RGMB: variants seen among roughly 807,000 people sequenced by gnomAD.
The protein encoded by RGMB is repulsive guidance molecule BMP co-receptor b, also known as repulsive guidance molecule B.
A neutral mutation model predicts 26.9 loss-of-function variants in RGMB; 16 were observed. The ratio of observed to expected loss-of-function variants is 0.60; its 90% CI spans 0.40 to 0.90. The LOEUF is 0.90. Among genes scored for constraint, RGMB ranks in the 40% least tolerant of loss-of-function variants. RGMB has a pLI of 0.00. For missense variants in RGMB, 512 were observed against 573.3 expected (o/e 0.89, Z 1.09); for synonymous variants, 225 against 229.3 (o/e 0.98, Z 0.17).
upstream of RGMB, chr5:98,770,553 G>A (rs1746122125): frequency 7.0e-6 from 7 of 996,626 alleles, no homozygotes; most frequent in Non-Finnish European, 9.3e-6. Flanking sequence ...CCCTCCGCGA[G>A]TGCATTGCTC....
At chr5:98,792,756 G>T in intron 2 of RGMB, 1 of 176,950 alleles carries the variant, frequency 5.7e-6, no homozygotes, top group Non-Finnish European at 1.1e-5. Context: ...GGGCAAGAGA[G>T]CTGACCCTGT....
rs143449818 is a variant in RGMB, at chr5:98,793,401, G to A, written c.962G>A (p.Arg321His). Residue 321 changes from arginine to histidine, a missense_variant, in exon 3 of 3, where the codon CGC (arginine) becomes CAC (histidine). Coordinates refer to ENST00000513185, the MANE Select transcript of RGMB (RefSeq NM_001366508.1). ...LCVNGCPLSERIDDGQGQVSA... is the reference protein window; with the variant it reads ...LCVNGCPLSEHIDDGQGQVSA... ...GTGAACGGCTGCCCCCTGAGTGAAC[G>A]CATCGATGACGGGCAGGGCCAGGTG... 157 of 1,612,990 alleles carry A rather than the reference G, an allele frequency of 9.7e-5. No homozygotes were observed. Among genetic ancestry groups the A allele is most frequent in the East Asian group, 5.6e-4 (25 of 44,856 alleles).
At chr5:98,792,562 C>T (rs931580078) in intron 2 of RGMB, among the ~76,000 whole-genome samples, 1 of 150,454 alleles carries the variant, frequency 6.6e-6, no homozygotes, top group Non-Finnish European at 1.5e-5. Flanking sequence ...AGTGAGGAAC[C>T]CCCGACCTCC....
rs1175899010 is a variant in RGMB, at chr5:98,796,443, ATACTT to A, written c.*2693_*2697del. The A allele has an allele frequency of 3.3e-5, 5 of 151,144 alleles. No individual in the cohort carries two copies. Among genetic ancestry groups the A allele is most frequent in the African/African-American group, 7.3e-5 (3 of 41,072 alleles). The allele number at this position is 151,144 out of a possible 1,614,324, so 9.4% of individuals were successfully genotyped here. ...AAAACAGTGAGTGTGCAGTGTGTAA[ATACTT>A]TAAATTATTATGCTAGAAAAATAAA... On this transcript the variant is annotated 3_prime_UTR_variant, in exon 3 of 3. Coordinates refer to ENST00000513185, the MANE Select transcript of RGMB (RefSeq NM_001366508.1).
chr5:98,770,896 C>T (rs868645656), upstream of RGMB: 43 of 396,776 alleles, frequency 1.1e-4, no homozygotes, highest in Middle Eastern at 5.0e-3. Context: ...TACACAGTGG[C>T]CGGGGAGCAG....
intron 2 of RGMB, among the ~76,000 whole-genome samples, chr5:98,782,747 C>T (rs1746647954): frequency 6.6e-6 from 1 of 151,872 alleles, no homozygotes; most frequent in South Asian, 2.1e-4. Flanking sequence ...GGGTATTTTG[C>T]TCAATGAGGC....
chr5:98,795,899 A>G lies in RGMB; in HGVS notation c.*2146A>G, dbSNP rs896879482. ...TATACCTTTGCTCTTTTCAGGGAAA[A>G]TAACAACCACCCTTACTGATAGTTG... On this transcript the variant is annotated 3_prime_UTR_variant, in exon 3 of 3. Coordinates refer to ENST00000513185, the MANE Select transcript of RGMB (RefSeq NM_001366508.1). 2.0e-5 allele frequency: 3 copies of G among 152,176 alleles called. No homozygotes were observed. Among genetic ancestry groups the G allele is most frequent in the African/African-American group, 7.2e-5 (3 of 41,452 alleles). The allele number at this position is 152,176 out of a possible 1,614,324, so 9.4% of individuals were successfully genotyped here.
chr5:98,774,526 G>A (rs927435769), intron 1 of RGMB, among the ~76,000 whole-genome samples: 1 of 152,320 alleles, frequency 6.6e-6, no homozygotes, highest in Admixed American at 6.5e-5. Context: ...CAAATGTTCC[G>A]GATGCTTTAT....
rs767110906 is a variant in RGMB, at chr5:98,795,426, A to G, written c.*1673A>G. ...ATACCGGCAAGAGGAAGAGGACGTC[A>G]TTTTGTAAAGTTTAACTTCTTAGCG... On this transcript the variant is annotated 3_prime_UTR_variant, in exon 3 of 3. Transcript: ENST00000513185. 6.6e-6 allele frequency: 1 copy of G among 152,242 alleles called. No homozygotes were observed. The highest frequency in any genetic ancestry group is 1.5e-5 in the Non-Finnish European group (1 of 68,044). 9.4% of individuals were successfully genotyped at this position (152,242 alleles called of 1,614,324 possible).
chr5:98,775,076 C>T (rs896234040), intron 1 of RGMB, among the ~76,000 whole-genome samples: 2 of 151,934 alleles, frequency 1.3e-5, no homozygotes, highest in African/African-American at 4.8e-5. Context: ...GGTCATTTTC[C>T]TTTAGTCTTG....
rs777486040 is a variant in RGMB at position 98,780,045 on chromosome 5, A to G, written c.602A>G (p.Asn201Ser). The change falls in exon 2 of 3, where the codon AAC (asparagine) becomes AGC (serine). Residue 201 changes from asparagine to serine, a missense_variant. Coordinates refer to ENST00000513185, the MANE Select transcript of RGMB (RefSeq NM_001366508.1). Reference sequence around the variant, plus strand: ...AATTATCTTTCAGTTCAAGTGACAAACGTACCTGTGGTCCCTGGATCCAGT... The same window carrying G: ...AATTATCTTTCAGTTCAAGTGACAAGCGTACCTGTGGTCCCTGGATCCAGT... The part of the protein sequence containing the change: ...DNNYLSVQVT[N>S]VPVVPGSSAT... 13 of 1,613,348 alleles carry G rather than the reference A, an allele frequency of 8.1e-6. No homozygotes were observed. The highest frequency in any genetic ancestry group is 1.1e-5 in the Non-Finnish European group (13 of 1,179,862).
upstream of RGMB, chr5:98,773,578 G>A (rs1008280490): frequency 1.8e-5 from 4 of 220,562 alleles, no homozygotes; most frequent in Non-Finnish European, 3.5e-5. Context: ...CACGGCGGGG[G>A]ATTATGGCGT....
intron 1 of RGMB, among the ~76,000 whole-genome samples, chr5:98,775,016 T>C (rs1746351855): frequency 6.6e-6 from 1 of 152,236 alleles, no homozygotes; most frequent in Admixed American, 6.5e-5. Context: ...ACTATTTTTT[T>C]CTAGGAATTT....
chr5:98,789,052 A>G (rs1433495771), intron 2 of RGMB, among the ~76,000 whole-genome samples: 1 of 152,246 alleles, frequency 6.6e-6, no homozygotes, highest in Non-Finnish European at 1.5e-5. Flanking sequence ...TAGACACATC[A>G]GCTAATTATA....
rs1319059235 is a variant in RGMB, at chr5:98,796,091, T to G, written c.*2338T>G. On this transcript the variant is annotated 3_prime_UTR_variant, in exon 3 of 3. Transcript: ENST00000513185. ...TCAGAAATAGATGTATTTCTCTACG[T>G]AAGGGCCAGGTTTATTTTCTCCTTT... 6.6e-6 allele frequency: 1 copy of G among 152,216 alleles called. No homozygotes were observed. The highest frequency in any genetic ancestry group is 1.5e-5 in the Non-Finnish European group (1 of 68,040). The allele number at this position is 152,216 out of a possible 1,614,324, so 9.4% of individuals were successfully genotyped here. A position where few individuals can be genotyped will look rare whatever the true frequency, so the allele number is the denominator to read the frequency against.
Position 98,795,934 on chromosome 5 carries a change from G to A in RGMB, c.*2181G>A, listed in dbSNP as rs1009557512. ...CCCTTACTGATAGTTGGGAAAAGAA[G>A]ATTGGGTTATTTTGCCATATCATTT... On this transcript the variant is annotated 3_prime_UTR_variant, in exon 3 of 3. Coordinates refer to ENST00000513185, the MANE Select transcript of RGMB (RefSeq NM_001366508.1). 2.6e-5 allele frequency: 4 copies of A among 152,172 alleles called. No individual in the cohort carries two copies. Among genetic ancestry groups the A allele is most frequent in the African/African-American group, 7.2e-5 (3 of 41,426 alleles). The allele number at this position is 152,172 out of a possible 1,614,324, so 9.4% of individuals were successfully genotyped here. A position where few individuals can be genotyped will look rare whatever the true frequency, so the allele number is the denominator to read the frequency against.
At chr5:98,787,990 C>CT in intron 2 of RGMB, among the ~76,000 whole-genome samples, 1 of 152,196 alleles carries the variant, frequency 6.6e-6, no homozygotes, top group South Asian at 2.1e-4. Flanking sequence ...CCAAGTACCC[C>CT]TTCAGCAGCC....
At chr5:98,784,935 A>G (rs1580285626) in intron 2 of RGMB, among the ~76,000 whole-genome samples, 1 of 151,840 alleles carries the variant, frequency 6.6e-6, no homozygotes, top group Admixed American at 6.6e-5. Flanking sequence ...GGAAACTGCA[A>G]CTCTCTTGGT....
Position 98,793,655 on chromosome 5 carries a change from C to G in RGMB, c.1216C>G (p.His406Asp), listed in dbSNP as rs779467672. ...EALHPRKERW[H>D]IFPSSGNGTP... ...CCTGCACCCAAGGAAGGAACGCTGG[C>G]ACATTTTCCCCAGCAGTGGCAATGG... Residue 406 changes from histidine (H) to aspartate (D), a missense_variant, in exon 3 of 3, where the codon CAC becomes GAC. Transcript: ENST00000513185. 1.2e-6 allele frequency: 2 copies of G among 1,613,986 alleles called. No individual in the cohort carries two copies. The highest frequency in any genetic ancestry group is 4.5e-5 in the East Asian group (2 of 44,882).
Sources: allele counts gnomAD v4.1 joint callset (sites outside exome capture counted in the v4.1 genomes callset), GRCh38; gene constraint gnomAD v4.1.1; transcripts MANE v1.5; gene names NCBI Gene and HGNC (gene_info 2026-07-23, HGNC 2026-07-21).